The following LAMA2 variants were observed in gnomAD, a reference collection of about 807,000 sequenced individuals.
LAMA2 encodes laminin subunit alpha 2.
Under a neutral mutation model 364.8 loss-of-function variants are expected in LAMA2, and 269 were observed. The observed-to-expected ratio is 0.74, with a 90% CI of 0.67 to 0.82. The LOEUF (loss-of-function observed/expected upper bound fraction) is 0.82. Ranked by LOEUF, LAMA2 falls within the 40% of genes least tolerant of loss-of-function variation. The probability of loss-of-function intolerance (pLI) is 0.00; values close to 1 mark genes in which losing one functional copy is unlikely to be tolerated. For synonymous variants in LAMA2, 1,379 were observed against 1,370.6 expected (o/e 1.01, Z -0.14); for missense variants, 3,807 against 3,873.2 (o/e 0.98, Z 0.45).
intron 4 of LAMA2, among the ~76,000 whole-genome samples, chr6:129,110,109 C>CAAA (rs3061201): frequency 5.5e-4 from 79 of 142,846 alleles, no homozygotes; most frequent in Middle Eastern, 3.6e-3. Flanking sequence ...CACCTTATTG[C>CAAA]AAAAAAAAAA....
Position 129,297,675 on chromosome 6 carries a change from C to T in LAMA2, c.2857-10C>T, listed in dbSNP as rs889523872. On this transcript the variant is annotated splice_polypyrimidine_tract_variant and intron_variant, in intron 20 of 64. Transcript: ENST00000421865. ...TTAAATTTAATTTTTCTCTCCTCTTCCATTGCCAGGCTGGGACCTTTGGCC... is the reference window on the plus strand; with the variant it reads ...TTAAATTTAATTTTTCTCTCCTCTTTCATTGCCAGGCTGGGACCTTTGGCC... 10 of 1,613,020 alleles carry T rather than the reference C, an allele frequency of 6.2e-6. No individual in the cohort carries two copies. The African/African-American group carries it at 1.1e-4, about 17-fold the overall frequency.
intron 1 of LAMA2, among the ~76,000 whole-genome samples, chr6:129,009,695 C>G (rs537482091): frequency 1.3e-5 from 2 of 152,226 alleles, no homozygotes; most frequent in South Asian, 4.1e-4. Context: ...AAAATTTAAA[C>G]CCTTGAATAT....
chr6:129,348,812 T>C (rs1043052658), intron 30 of LAMA2, among the ~76,000 whole-genome samples: 4 of 152,210 alleles, frequency 2.6e-5, no homozygotes, highest in African/African-American at 9.6e-5. Flanking sequence ...GTGAAACATG[T>C]ATTCACACTT....
intron 19 of LAMA2, among the ~76,000 whole-genome samples, chr6:129,289,488 T>C (rs893579051): frequency 6.6e-6 from 1 of 152,176 alleles, no homozygotes; most frequent in Non-Finnish European, 1.5e-5. Context: ...GTGCTCATAG[T>C]AGCTGTGCAT....
At chr6:129,325,528 T>C (rs560469322) in intron 28 of LAMA2, among the ~76,000 whole-genome samples, 69 of 149,892 alleles carry the variant, frequency 4.6e-4, no homozygotes, top group African/African-American at 1.6e-3. Context: ...AAAGAGAGAA[T>C]TTCTGTTTTT....
At chr6:129,276,419 A>G (rs969617706) in intron 17 of LAMA2, among the ~76,000 whole-genome samples, 1 of 152,142 alleles carries the variant, frequency 6.6e-6, no homozygotes, top group Non-Finnish European at 1.5e-5. Context: ...TTTATTTCAA[A>G]TGCATGACAG....
chr6:128,986,336 T>C (rs118142125), intron 1 of LAMA2, among the ~76,000 whole-genome samples: 423 of 152,284 alleles, frequency 2.8e-3, no homozygotes, highest in Non-Finnish European at 3.8e-3. Context: ...TGGTTCCTTA[T>C]AGTGAAAAAG....
chr6:129,050,394 A>T (rs1031029825), intron 2 of LAMA2, among the ~76,000 whole-genome samples: 3 of 152,168 alleles, frequency 2.0e-5, no homozygotes, highest in East Asian at 1.9e-4. Flanking sequence ...GGCTGTCATC[A>T]TTCATTGGTA....
intron 33 of LAMA2, among the ~76,000 whole-genome samples, chr6:129,367,901 G>A (rs1205520974): frequency 2.6e-5 from 4 of 152,194 alleles, no homozygotes; most frequent in Admixed American, 6.5e-5. Context: ...TGGAGCTGCT[G>A]TGACAAATAC....
At chr6:129,476,787 A>ATATACAGTTGGGT (rs1449892854) in intron 53 of LAMA2, among the ~76,000 whole-genome samples, 2 of 143,244 alleles carry the variant, frequency 1.4e-5, no homozygotes, top group East Asian at 4.0e-4. Context: ...ACAGTTGGGC[A>ATATACAGTTGGGT]TGTTCTTTAT....
chr6:129,050,126 G>T, intron 2 of LAMA2, 38 bp downstream of exon 2: 1 of 1,607,594 alleles, frequency 6.2e-7, no homozygotes, highest in South Asian at 1.1e-5. Flanking sequence ...GCGCTGGGTA[G>T]GATCTATAAT....
At chr6:129,201,616 G>T (rs985205605) in intron 12 of LAMA2, among the ~76,000 whole-genome samples, 2 of 152,140 alleles carry the variant, frequency 1.3e-5, no homozygotes, top group Non-Finnish European at 2.9e-5. Flanking sequence ...AGCCTTAAAA[G>T]AAGTCAACTT....
intron 10 of LAMA2, among the ~76,000 whole-genome samples, chr6:129,186,638 C>T (rs1167356428): frequency 6.6e-6 from 1 of 151,662 alleles, no homozygotes; most frequent in African/African-American, 2.4e-5. Flanking sequence ...GCTCAACTCC[C>T]TGGTTTTTCT....
intron 3 of LAMA2, among the ~76,000 whole-genome samples, chr6:129,062,100 G>A (rs1788961608): frequency 6.6e-6 from 1 of 152,136 alleles, no homozygotes; most frequent in Admixed American, 6.6e-5. Context: ...TTCCAATTTG[G>A]CCTCAGGCTT....
intron 12 of LAMA2, among the ~76,000 whole-genome samples, chr6:129,203,834 A>G (rs1782450612): frequency 6.6e-6 from 1 of 152,122 alleles, no homozygotes; most frequent in Non-Finnish European, 1.5e-5. Context: ...CCCTTAATCT[A>G]GTTGAGCCAG....
intron 40 of LAMA2, among the ~76,000 whole-genome samples, chr6:129,427,028 G>A (rs1180918913): frequency 6.6e-6 from 1 of 152,138 alleles, no homozygotes; most frequent in Non-Finnish European, 1.5e-5. Flanking sequence ...TGATTGCTGA[G>A]GAGCAAACAC....
intron 56 of LAMA2, among the ~76,000 whole-genome samples, chr6:129,488,680 T>C (rs776270022): frequency 6.6e-6 from 1 of 152,212 alleles, no homozygotes. Context: ...TAGTGTGTAG[T>C]CACTGAACTC....
Position 129,505,205 on chromosome 6 carries a change from G to C in LAMA2, c.8553G>C (p.Lys2851Asn), listed in dbSNP as rs763572005. 1 of 1,613,640 alleles carries C rather than the reference G, an allele frequency of 6.2e-7. No homozygotes were observed. The highest frequency in any genetic ancestry group is 1.3e-5 in the African/African-American group (1 of 75,002). ...KINDGQWHKI[K>N]IMRSKQEGIL... ...GACTCCTTTCTTTTTTGTAGATTAA[G>C]ATAATGAGAAGTAAGCAAGAAGGAA... The change falls in exon 61 of 65, where the codon AAG becomes AAC. Residue 2851 changes from lysine to asparagine, a missense_variant. Transcript: ENST00000421865.
chr6:129,066,039 T>TATTTC lies in LAMA2; in HGVS notation c.396+6143_396+6144insATTTC, dbSNP rs1554210041. Among the ~76,000 whole-genome samples, 6 of 74,638 alleles carry TATTTC rather than the reference T, an allele frequency of 8.0e-5. 1 individual carries two copies. In the South Asian group the frequency reaches 1.6e-3, roughly 19 times the overall value. 49.0% of individuals were successfully genotyped at this position (74,638 alleles called of 152,430 possible). On this transcript the variant is annotated intron_variant, in intron 3 of 64. Transcript: ENST00000421865. ...CTTTTGTAAATTGCCCAGTCTCAGG[T>TATTTC]TTTTTTTTTTTTTTTTTTTTTTTTG...
Sources: allele counts gnomAD v4.1 joint callset (sites outside exome capture counted in the v4.1 genomes callset), GRCh38; gene constraint gnomAD v4.1.1; transcripts MANE v1.5; gene names NCBI Gene and HGNC (gene_info 2026-07-23, HGNC 2026-07-21).